ST6GALNAC5: variants seen among roughly 807,000 people sequenced by gnomAD.
ST6GALNAC5 encodes the protein alpha-N-acetylgalactosaminide alpha-2,6-sialyltransferase 5.
Under a neutral mutation model 33.6 loss-of-function variants are expected in ST6GALNAC5, and 27 were observed. That is an observed-to-expected ratio of 0.80 (90% confidence interval 0.59 to 1.11). The LOEUF (loss-of-function observed/expected upper bound fraction) is 1.11, where lower values mean the gene tolerates loss of function less well. ST6GALNAC5 is among the 50% of genes least tolerant of loss of function. The pLI, the probability that ST6GALNAC5 is intolerant of heterozygous loss-of-function variation, is 0.00. For synonymous variants in ST6GALNAC5, 194 were observed against 171.2 expected (o/e 1.13, Z -1.04); for missense variants, 428 against 454.0 (o/e 0.94, Z 0.52).
At chr1:77,008,805 C>T (rs926578058) in intron 2 of ST6GALNAC5, among the ~76,000 whole-genome samples, 11 of 152,208 alleles carry the variant, frequency 7.2e-5, no homozygotes, top group Non-Finnish European at 1.5e-4. Context: ...GCTGGGATTA[C>T]AGGCGTGAGC....
chr1:77,056,682 G>A (rs1557777108), intron 4 of ST6GALNAC5, among the ~76,000 whole-genome samples: 1 of 152,190 alleles, frequency 6.6e-6, no homozygotes, highest in Non-Finnish European at 1.5e-5. Context: ...GGTGTGGAAT[G>A]GCAATGCCGC....
intron 2 of ST6GALNAC5, among the ~76,000 whole-genome samples, chr1:76,992,994 G>T (rs1313484817): frequency 6.6e-6 from 1 of 152,138 alleles, no homozygotes; most frequent in African/African-American, 2.4e-5. Context: ...TTCTTAGCAT[G>T]GAAATCAGTT....
intron 2 of ST6GALNAC5, among the ~76,000 whole-genome samples, chr1:77,029,988 G>A (rs1431449934): frequency 2.6e-5 from 4 of 152,212 alleles, no homozygotes; most frequent in Admixed American, 2.6e-4. Context: ...TTTGAGTGGT[G>A]TGGAAATGTT....
intron 2 of ST6GALNAC5, among the ~76,000 whole-genome samples, chr1:76,901,194 G>A (rs1646814347): frequency 6.6e-6 from 1 of 152,190 alleles, no homozygotes; most frequent in South Asian, 2.1e-4. Flanking sequence ...ATAGTCCAAG[G>A]ATGTAAATAA....
At chr1:76,967,932 G>A (rs1313748390) in intron 2 of ST6GALNAC5, among the ~76,000 whole-genome samples, 1 of 152,178 alleles carries the variant, frequency 6.6e-6, no homozygotes, top group Non-Finnish European at 1.5e-5. Flanking sequence ...TTTGGTTGCA[G>A]TGTGGTCTGA....
At chr1:76,872,149 G>C (rs1310182820) in intron 2 of ST6GALNAC5, among the ~76,000 whole-genome samples, 1 of 147,872 alleles carries the variant, frequency 6.8e-6, no homozygotes. Flanking sequence ...ATACTCAGAG[G>C]AAAGCTCCAA....
intron 2 of ST6GALNAC5, among the ~76,000 whole-genome samples, chr1:76,920,137 C>T (rs1647015904): frequency 6.6e-6 from 1 of 152,030 alleles, no homozygotes; most frequent in Non-Finnish European, 1.5e-5. Context: ...AAAGCATATC[C>T]ATATCATTCA....
chr1:77,001,531 T>G (rs1431728447), intron 2 of ST6GALNAC5, among the ~76,000 whole-genome samples: 6 of 147,196 alleles, frequency 4.1e-5, no homozygotes, highest in Admixed American at 6.8e-5. Context: ...AACACTATGT[T>G]GAATAGGAGT....
At chr1:77,024,837 C>G (rs765927750) in intron 2 of ST6GALNAC5, among the ~76,000 whole-genome samples, 3 of 152,186 alleles carry the variant, frequency 2.0e-5, no homozygotes, top group African/African-American at 4.8e-5. Flanking sequence ...CACAGAGCAC[C>G]AGAATCCCCA....
At chr1:77,047,471 G>C (rs1285881277) in intron 3 of ST6GALNAC5, among the ~76,000 whole-genome samples, 1 of 152,096 alleles carries the variant, frequency 6.6e-6, no homozygotes, top group African/African-American at 2.4e-5. Context: ...TTTCCTTTTG[G>C]GTGAATATTT....
chr1:76,921,332 T>A (rs1647032867), intron 2 of ST6GALNAC5, among the ~76,000 whole-genome samples: 1 of 152,094 alleles, frequency 6.6e-6, no homozygotes. Flanking sequence ...TCTTTTCCCC[T>A]CTTGGGGACT....
chr1:77,048,001 TTGCATTTC>T (rs1254333677), intron 3 of ST6GALNAC5, among the ~76,000 whole-genome samples: 1 of 152,236 alleles, frequency 6.6e-6, no homozygotes, highest in African/African-American at 2.4e-5. Context: ...GCACAAAGTG[TTGCATTTC>T]TATAGCACGT....
intron 2 of ST6GALNAC5, among the ~76,000 whole-genome samples, chr1:76,948,248 A>G (rs1647600221): frequency 6.6e-6 from 1 of 152,072 alleles, no homozygotes; most frequent in African/African-American, 2.4e-5. Flanking sequence ...ATCCCAACCT[A>G]AGGCAAGGGA....
chr1:76,894,246 C>T (rs1167296310), intron 2 of ST6GALNAC5, among the ~76,000 whole-genome samples: 1 of 152,118 alleles, frequency 6.6e-6, no homozygotes, highest in Non-Finnish European at 1.5e-5. Context: ...TGAAATTTGC[C>T]TTGAATCTAC....
intron 2 of ST6GALNAC5, among the ~76,000 whole-genome samples, chr1:77,040,890 T>C (rs2100458394): frequency 6.6e-6 from 1 of 152,316 alleles, no homozygotes; most frequent in South Asian, 2.1e-4. Flanking sequence ...GTGTATTAAG[T>C]CCTCAGTGAA....
chr1:76,915,392 A>G (rs1464470376), intron 2 of ST6GALNAC5, among the ~76,000 whole-genome samples: 4 of 152,120 alleles, frequency 2.6e-5, no homozygotes, highest in Non-Finnish European at 5.9e-5. Context: ...ACACATGCAC[A>G]CGTATGTTTA....
At chr1:77,000,733 A>G (rs10027193) in intron 2 of ST6GALNAC5, among the ~76,000 whole-genome samples, 1 of 150,168 alleles carries the variant, frequency 6.7e-6, no homozygotes, top group South Asian at 2.1e-4. Context: ...TCCCAGCACC[A>G]TTTATTAAAT....
At chr1:77,022,115 G>C (rs773362967) in intron 2 of ST6GALNAC5, among the ~76,000 whole-genome samples, 1 of 152,152 alleles carries the variant, frequency 6.6e-6, no homozygotes, top group African/African-American at 2.4e-5. Context: ...TTCTGCAGGA[G>C]AGTAGTGTTT....
At chr1:76,938,955 A>G (rs1647261248) in intron 2 of ST6GALNAC5, among the ~76,000 whole-genome samples, 1 of 152,130 alleles carries the variant, frequency 6.6e-6, no homozygotes, top group Admixed American at 6.6e-5. Context: ...AATGTTCTCA[A>G]TGAAATATTT....
Sources: allele counts gnomAD v4.1 joint callset (sites outside exome capture counted in the v4.1 genomes callset), GRCh38; gene constraint gnomAD v4.1.1; transcripts MANE v1.5; gene names NCBI Gene and HGNC (gene_info 2026-07-23, HGNC 2026-07-21).